Variants in L2HGDH observed in about 807,000 individuals in gnomAD.
The protein encoded by L2HGDH is L-2-hydroxyglutarate dehydrogenase, mitochondrial.
In L2HGDH, 34 loss-of-function variants were observed where a neutral mutation model predicts 51.5. That is an observed-to-expected ratio of 0.66 (90% CI 0.50 to 0.88). The LOEUF (loss-of-function observed/expected upper bound fraction) is 0.88, where lower values mean the gene tolerates loss of function less well. Among genes scored for constraint, L2HGDH ranks in the 40% least tolerant of loss-of-function variants. The probability of loss-of-function intolerance (pLI) is 0.00; values close to 1 mark genes in which losing one functional copy is unlikely to be tolerated. For synonymous variants in L2HGDH, 198 were observed against 197.9 expected (o/e 1.00, Z -0.01); for missense variants, 558 against 571.9 (o/e 0.98, Z 0.25).
At chr14:50,281,566 G>A (rs1057347257) in intron 5 of L2HGDH, among the ~76,000 whole-genome samples, 3 of 151,918 alleles carry the variant, frequency 2.0e-5, no homozygotes, top group South Asian at 2.1e-4. Context: ...CACCCCAGCC[G>A]GGGCAACAAG....
At chr14:50,249,234 A>C (rs1253945691) in intron 9 of L2HGDH, among the ~76,000 whole-genome samples, 1 of 152,178 alleles carries the variant, frequency 6.6e-6, no homozygotes, top group Non-Finnish European at 1.5e-5. Context: ...AATACAGTCT[A>C]GGGCACAAGG....
chr14:50,273,379 G>T (rs112607923), intron 6 of L2HGDH, among the ~76,000 whole-genome samples: 5 of 152,270 alleles, frequency 3.3e-5, no homozygotes, highest in African/African-American at 1.2e-4. Flanking sequence ...CATAAATGGT[G>T]CTGGGAAAAC....
At chr14:50,290,899 T>TA (rs1309026831) in intron 4 of L2HGDH, among the ~76,000 whole-genome samples, 2 of 152,052 alleles carry the variant, frequency 1.3e-5, no homozygotes, top group Non-Finnish European at 2.9e-5. Context: ...ACTTAAAATG[T>TA]AAAAAACATT....
chr14:50,292,103 TAA>T (rs987415253), intron 4 of L2HGDH, among the ~76,000 whole-genome samples: 4 of 123,750 alleles, frequency 3.2e-5, no homozygotes, highest in Non-Finnish European at 7.5e-5. Flanking sequence ...ATAATAAATA[TAA>T]GAGACATGCC....
intron 4 of L2HGDH, among the ~76,000 whole-genome samples, chr14:50,287,745 T>C (rs546253513): frequency 6.8e-6 from 1 of 147,272 alleles, no homozygotes; most frequent in South Asian, 2.2e-4. Flanking sequence ...TTGCCCATGC[T>C]GGAGTGCAGT....
intron 2 of L2HGDH, 76 bp downstream of exon 2, chr14:50,302,826 G>T: frequency 1.0e-6 from 1 of 966,008 alleles, no homozygotes; most frequent in Non-Finnish European, 1.7e-6. Context: ...CTGACATTCA[G>T]CATGAAAGAT....
chr14:50,286,335 C>T (rs1405186333), intron 4 of L2HGDH, among the ~76,000 whole-genome samples: 1 of 152,110 alleles, frequency 6.6e-6, no homozygotes, highest in African/African-American at 2.4e-5. Context: ...TGGGGTAGCC[C>T]TGCTCTGCAA....
Position 50,244,731 on chromosome 14 carries a change from T to G in L2HGDH, c.*2327A>C. Reference sequence around the variant, plus strand: ...TTAATGGATGAGGTAGCTCAATCAATGTAATCATCAATGCTTGAAGTGAGG... The same window carrying G: ...TTAATGGATGAGGTAGCTCAATCAAGGTAATCATCAATGCTTGAAGTGAGG... On this transcript the variant is annotated 3_prime_UTR_variant, in exon 10 of 10. Transcript: ENST00000267436. 1 of 985,424 alleles carries G rather than the reference T, an allele frequency of 1.0e-6. No individual in the cohort carries two copies. The highest frequency in any genetic ancestry group is 1.2e-6 in the Non-Finnish European group (1 of 829,918). 61.0% of individuals were successfully genotyped at this position (985,424 alleles called of 1,614,324 possible).
intron 1 of L2HGDH, among the ~76,000 whole-genome samples, chr14:50,308,743 T>TA (rs2030879313): frequency 1.3e-5 from 2 of 152,206 alleles, no homozygotes; most frequent in Admixed American, 1.3e-4. Context: ...CATGACTCAG[T>TA]AACTGCAGTC....
chr14:50,278,586 T>C lies in L2HGDH; in HGVS notation c.704-32A>G, dbSNP rs370546288. The C allele has an allele frequency of 2.4e-5, 29 of 1,198,406 alleles. No individual in the cohort carries two copies. In the African/African-American group the frequency reaches 2.9e-4, roughly 12 times the overall value. The allele number at this position is 1,198,406 out of a possible 1,614,324, so 74.2% of individuals were successfully genotyped here. On this transcript the variant is annotated intron_variant, in intron 5 of 9. Transcript: ENST00000267436. Reference sequence around the variant, plus strand: ...AAAAAGAATAAGTGAAAAATTTATTTTTAGCAAAAGGCCAACATTATTTGA... The same window carrying C: ...AAAAAGAATAAGTGAAAAATTTATTCTTAGCAAAAGGCCAACATTATTTGA...
intron 8 of L2HGDH, among the ~76,000 whole-genome samples, chr14:50,266,520 G>A (rs1244176741): frequency 6.6e-6 from 1 of 152,150 alleles, no homozygotes; most frequent in Non-Finnish European, 1.5e-5. Flanking sequence ...GCATCTGCCT[G>A]TAGTTCCAGC....
At chr14:50,278,425 T>C (rs1304147946) in intron 6 of L2HGDH, 95 bp downstream of exon 6, 1 of 783,506 alleles carries the variant, frequency 1.3e-6, no homozygotes, top group Non-Finnish European at 2.1e-6. Flanking sequence ...ACAAATGTCA[T>C]TCAATAACTT....
chr14:50,271,951 G>A (rs1456823281), intron 6 of L2HGDH, among the ~76,000 whole-genome samples: 1 of 152,122 alleles, frequency 6.6e-6, no homozygotes, highest in Non-Finnish European at 1.5e-5. Context: ...GACTAGCCTG[G>A]ACAACATGGT....
intron 7 of L2HGDH, among the ~76,000 whole-genome samples, chr14:50,268,265 G>C (rs1421736792): frequency 6.6e-6 from 1 of 151,610 alleles, no homozygotes; most frequent in African/African-American, 2.4e-5. Context: ...TGTGATCCCA[G>C]CTACTTGGGA....
chr14:50,287,361 G>C (rs923243612), intron 4 of L2HGDH: 2 of 963,604 alleles, frequency 2.1e-6, no homozygotes, highest in Non-Finnish European at 2.5e-6. Context: ...CAATCAGATA[G>C]ACCAATTCTC....
intron 4 of L2HGDH, among the ~76,000 whole-genome samples, chr14:50,286,667 T>C (rs1026044751): frequency 2.6e-5 from 4 of 152,202 alleles, no homozygotes; most frequent in Admixed American, 6.6e-5. Context: ...CCTAAATATA[T>C]GAAACACTAA....
intron 4 of L2HGDH, among the ~76,000 whole-genome samples, chr14:50,291,197 C>CAAAAAAAA (rs1159640500): frequency 9.5e-4 from 29 of 30,626 alleles, no homozygotes; most frequent in East Asian, 2.5e-3. Context: ...GACTCCGTCT[C>CAAAAAAAA]AAAAAAAAAA....
At chr14:50,296,697 A>C (rs2030080824) in intron 3 of L2HGDH, among the ~76,000 whole-genome samples, 1 of 152,052 alleles carries the variant, frequency 6.6e-6, no homozygotes, top group South Asian at 2.1e-4. Context: ...TCCAAAAAAC[A>C]GAAGAGTAAG....
chr14:50,312,028 G>A lies in L2HGDH; in HGVS notation c.123C>T (p.Ser41=), dbSNP rs1595169333. The change falls in exon 1 of 10, where the codon AGC becomes AGT. Residue 41 remains serine (S), a synonymous_variant. Transcript: ENST00000267436. ...CCACTCACCTGGTGCTGGCGCTGCG[G>A]CTACCTCCACACAGCGGTCTTGGCC... ...SGRPRPLCGG[S]RSASTSSFDI... is the part of the protein sequence containing the mutation. 6.4e-7 allele frequency: 1 copy of A among 1,574,298 alleles called. No homozygotes were observed. Among genetic ancestry groups the A allele is most frequent in the Non-Finnish European group, 8.6e-7 (1 of 1,162,392 alleles).
Sources: gnomAD v4.1 joint callset for allele counts (sites outside exome capture counted in the v4.1 genomes callset) on GRCh38, gnomAD v4.1.1 for gene constraint, MANE v1.5 for transcripts, NCBI Gene and HGNC (gene_info 2026-07-23, HGNC 2026-07-21) for gene names.